The following UBE2O variants were observed in gnomAD, a reference collection of about 807,000 sequenced individuals.
UBE2O encodes ubiquitin conjugating enzyme E2 O.
Under a neutral mutation model 125.8 loss-of-function variants are expected in UBE2O, and 15 were observed. That is an observed-to-expected ratio of 0.12 (90% confidence interval 0.08 to 0.18). The LOEUF is 0.18. Among genes scored for constraint, UBE2O ranks in the 10% least tolerant of loss-of-function variants. The pLI is 1.00. For synonymous variants in UBE2O, 708 were observed against 703.2 expected (o/e 1.01, Z -0.11); for missense variants, 1,280 against 1,723.6 (o/e 0.74, Z 4.56).
chr17:76,406,190 C>T (rs566637739), intron 1 of UBE2O, among the ~76,000 whole-genome samples: 35 of 152,368 alleles, frequency 2.3e-4, no homozygotes, highest in African/African-American at 7.0e-4. Context: ...GCCCGGCCAA[C>T]TGCACGAGCA....
chr17:76,452,132 C>T lies in UBE2O; in HGVS notation c.417+593G>A, dbSNP rs2143942700. ...ACTATTCATACCGGGGCTCTGATTG[C>T]TAATGATTTTACTCACAAAGTTCCC... On this transcript the variant is annotated intron_variant, in intron 1 of 17. Coordinates refer to ENST00000319380, the MANE Select transcript of UBE2O (RefSeq NM_022066.4). This position sits in a 1 kb window ranked among gnomAD's most constrained non-coding sequence, Gnocchi z 4.4. 6.6e-6 allele frequency among the ~76,000 whole-genome samples: 1 copy of T among 152,226 alleles called. No homozygotes were observed. The highest frequency in any genetic ancestry group is 2.1e-4 in the South Asian group (1 of 4,826).
chr17:76,407,571 C>G (rs1241597430), intron 1 of UBE2O, among the ~76,000 whole-genome samples: 1 of 152,152 alleles, frequency 6.6e-6, no homozygotes, highest in Non-Finnish European at 1.5e-5. Flanking sequence ...GAGAGAGCAG[C>G]CAGGAAAGGA....
chr17:76,400,883 A>G lies in UBE2O; in HGVS notation c.894+128T>C. Reference sequence around the variant, plus strand: ...TTCCCTTTATCCCCAAAGCCCTTTGAGATCAACAGGGTCCAGATGCTGAGG... The same window carrying G: ...TTCCCTTTATCCCCAAAGCCCTTTGGGATCAACAGGGTCCAGATGCTGAGG... On this transcript the variant is annotated intron_variant, in intron 6 of 17. Transcript: ENST00000319380. The surrounding 1 kb of genome is among the most constrained non-coding windows in gnomAD (Gnocchi z 4.3). The G allele has an allele frequency of 8.5e-7, 1 of 1,170,670 alleles. No homozygotes were observed. The highest frequency in any genetic ancestry group is 1.2e-6 in the Non-Finnish European group (1 of 845,782). 72.5% of individuals were successfully genotyped at this position (1,170,670 alleles called of 1,614,324 possible). A position where few individuals can be genotyped will look rare whatever the true frequency, so the allele number is the denominator to read the frequency against.
intron 1 of UBE2O, among the ~76,000 whole-genome samples, chr17:76,423,521 G>A (rs1230903656): frequency 6.6e-6 from 1 of 151,870 alleles, no homozygotes; most frequent in Non-Finnish European, 1.5e-5. Flanking sequence ...GTGAAACCCA[G>A]TCTCTACTAA....
intron 1 of UBE2O, among the ~76,000 whole-genome samples, chr17:76,415,961 GTA>G (rs1440742776): frequency 6.6e-6 from 1 of 151,478 alleles, no homozygotes; most frequent in Non-Finnish European, 1.5e-5. Flanking sequence ...GCACATACAC[GTA>G]TATACGTATG....
chr17:76,433,308 T>C (rs1450504659), intron 1 of UBE2O, among the ~76,000 whole-genome samples: 1 of 149,526 alleles, frequency 6.7e-6, no homozygotes, highest in Admixed American at 6.8e-5. Context: ...GGATGAACCT[T>C]GAAAACATCA....
At chr17:76,408,701 C>G (rs2072465029) in intron 1 of UBE2O, among the ~76,000 whole-genome samples, 2 of 152,238 alleles carry the variant, frequency 1.3e-5, no homozygotes, top group South Asian at 4.1e-4. Context: ...CCCCTTCTAC[C>G]TCCAAAGAGC....
At chr17:76,420,825 A>C (rs1412906298) in intron 1 of UBE2O, among the ~76,000 whole-genome samples, 1 of 152,134 alleles carries the variant, frequency 6.6e-6, no homozygotes, top group Admixed American at 6.5e-5. Context: ...GTCTGTGGCC[A>C]CAGAAAGCCC....
chr17:76,450,172 G>A (rs2073215838), intron 1 of UBE2O, among the ~76,000 whole-genome samples: 1 of 151,964 alleles, frequency 6.6e-6, no homozygotes, highest in African/African-American at 2.4e-5. Context: ...TGGTCTAATG[G>A]TCTTTCCTTT....
Position 76,402,316 on chromosome 17 carries a change from T to C in UBE2O, c.687-189A>G, listed in dbSNP as rs1009816647. On this transcript the variant is annotated intron_variant, in intron 4 of 17. Transcript: ENST00000319380. The surrounding 1 kb of genome is among the most constrained non-coding windows in gnomAD (Gnocchi z 5.4). ...AGACCCCAAGTGCCACTGGAGTGCTTGCTCAGCACCATCACAGTGCCTCAA... is the reference window on the plus strand; with the variant it reads ...AGACCCCAAGTGCCACTGGAGTGCTCGCTCAGCACCATCACAGTGCCTCAA... Among the ~76,000 whole-genome samples, 1 of 152,154 alleles carries C rather than the reference T, an allele frequency of 6.6e-6. No homozygotes were observed. The highest frequency in any genetic ancestry group is 2.4e-5 in the African/African-American group (1 of 41,426).
chr17:76,425,491 A>C (rs2072797618), intron 1 of UBE2O, among the ~76,000 whole-genome samples: 1 of 152,202 alleles, frequency 6.6e-6, no homozygotes, highest in Non-Finnish European at 1.5e-5. Context: ...ACCTCCATAC[A>C]TATAAACAAC....
rs992521619 is a variant in UBE2O, at chr17:76,410,763, C to T, written c.418-5191G>A. ...CACCGGGGGCCTCTCCTGCCAGGAGCACTCTCCCTCCACGGCTGCCTGACT... is the reference window on the plus strand; with the variant it reads ...CACCGGGGGCCTCTCCTGCCAGGAGTACTCTCCCTCCACGGCTGCCTGACT... On this transcript the variant is annotated intron_variant, in intron 1 of 17. Transcript: ENST00000319380. This position sits in a 1 kb window ranked among gnomAD's most constrained non-coding sequence, Gnocchi z 4.0. Among the ~76,000 whole-genome samples the T allele has an allele frequency of 0.16, 14 of 90 alleles. No homozygotes were observed. Among genetic ancestry groups the T allele is most frequent in the African/African-American group, 0.3 (14 of 46 alleles). The allele number at this position is 90 out of a possible 152,430, so 0.1% of individuals were successfully genotyped here. A position where few individuals can be genotyped will look rare whatever the true frequency, so the allele number is the denominator to read the frequency against.
Position 76,452,806 on chromosome 17 carries a change from G to A in UBE2O, c.336C>T (p.Gly112=), listed in dbSNP as rs767277165. The A allele has an allele frequency of 6.6e-7, 1 of 1,518,138 alleles. No individual in the cohort carries two copies. 94.0% of individuals were successfully genotyped at this position (1,518,138 alleles called of 1,614,324 possible). Residue 112 remains glycine (G), a synonymous_variant, in exon 1 of 18, where the codon GGC becomes GGT. Coordinates refer to ENST00000319380, the MANE Select transcript of UBE2O (RefSeq NM_022066.4). The surrounding 1 kb of genome is among the most constrained non-coding windows in gnomAD (Gnocchi z 4.4). Reference sequence around the variant, plus strand: ...AGCCGCGGCGCAGGGGGCTGGCCCGGCCCTCCTCGTGGCCCGCGCCCCCGG... The same window carrying A: ...AGCCGCGGCGCAGGGGGCTGGCCCGACCCTCCTCGTGGCCCGCGCCCCCGG... ...SEAGGAGHEE[G]RASPLRRGYV... is the part of the protein sequence containing the mutation.
At position 76,421,522 on chromosome 17, in the gene UBE2O, C is replaced by T. The variant is rs563302663; in HGVS notation, c.418-15950G>A. 1.1e-3 allele frequency among the ~76,000 whole-genome samples: 171 copies of T among 152,280 alleles called. 1 individual carries two copies. Among genetic ancestry groups the T allele is most frequent in the Non-Finnish European group, 2.1e-3 (146 of 68,018 alleles). ...CTGGGATTACAGGCATGTGCCACCA[C>T]GCCCAACTAATTTTGTATTTTTAGT... On this transcript the variant is annotated intron_variant, in intron 1 of 17. Transcript: ENST00000319380.
chr17:76,413,302 A>C (rs1205800947), intron 1 of UBE2O, among the ~76,000 whole-genome samples: 1 of 152,226 alleles, frequency 6.6e-6, no homozygotes, highest in Non-Finnish European at 1.5e-5. Flanking sequence ...ACCAGATTGG[A>C]AAGTTTATCC....
chr17:76,447,846 T>C (rs1245618589), intron 1 of UBE2O, among the ~76,000 whole-genome samples: 1 of 152,194 alleles, frequency 6.6e-6, no homozygotes, highest in Admixed American at 6.5e-5. Context: ...CTCATGGAAG[T>C]GATCTTCTGA....
chr17:76,450,057 A>C (rs1417139808), intron 1 of UBE2O, among the ~76,000 whole-genome samples: 3 of 151,606 alleles, frequency 2.0e-5, no homozygotes, highest in Non-Finnish European at 4.4e-5. Flanking sequence ...ACCCCATCCC[A>C]AAAATAATAA....
chr17:76,413,518 T>A (rs1434506123), intron 1 of UBE2O, among the ~76,000 whole-genome samples: 1 of 152,166 alleles, frequency 6.6e-6, no homozygotes, highest in African/African-American at 2.4e-5. Flanking sequence ...AAAAAGTAAC[T>A]GCAGTTAAAA....
chr17:76,426,756 T>C (rs1205890537), intron 1 of UBE2O, among the ~76,000 whole-genome samples: 1 of 152,210 alleles, frequency 6.6e-6, no homozygotes, highest in Non-Finnish European at 1.5e-5. Context: ...TGGTTTTTAA[T>C]CCTCTCCAAA....
Sources: gnomAD v4.1 joint callset for allele counts (sites outside exome capture counted in the v4.1 genomes callset) on GRCh38, gnomAD v4.1.1 for gene constraint, Gnocchi (gnomAD v3.1) non-coding constraint, MANE v1.5 for transcripts, NCBI Gene and HGNC (gene_info 2026-07-23, HGNC 2026-07-21) for gene names.